Variants in ZNF420 observed in about 807,000 individuals in gnomAD.
ZNF420 encodes the protein ATM and p53-associated KZNF protein.
ZNF420 carries 31 observed loss-of-function variants against 44.7 expected under a neutral mutation model. That is an observed-to-expected ratio of 0.69 (90% CI 0.52 to 0.94). The LOEUF is 0.94. Ranked by LOEUF, ZNF420 falls within the 40% of genes least tolerant of loss-of-function variation. The pLI is 0.00. For missense variants in ZNF420, 681 were observed against 827.9 expected (o/e 0.82, Z 2.18); for synonymous variants, 245 against 267.4 (o/e 0.92, Z 0.82).
intron 1 of ZNF420, among the ~76,000 whole-genome samples, chr19:37,056,303 A>G (rs1424733339): frequency 2.6e-5 from 4 of 152,056 alleles, no homozygotes; most frequent in African/African-American, 9.7e-5. Flanking sequence ...CAGGTGGGCT[A>G]TGCTTTTATG....
In ZNF420 at chr19:37,022,530, A is replaced by G. The variant is rs528555445; in HGVS notation, c.-125+14448A>G. Among the ~76,000 whole-genome samples, 24 of 152,304 alleles carry G rather than the reference A, an allele frequency of 1.6e-4. No individual in the cohort carries two copies. The South Asian group carries it at 5.0e-3, about 32-fold the overall frequency. ...AATTCAAAAAGGGATGAGTAATTACATGAAATGCTTCTGAATTCTGTCATT... is the reference window on the plus strand; with the variant it reads ...AATTCAAAAAGGGATGAGTAATTACGTGAAATGCTTCTGAATTCTGTCATT... On this transcript the variant is annotated intron_variant, in intron 1 of 4. Coordinates refer to the ZNF420 transcript ENST00000587029.
At chr19:37,033,003 C>G (rs1026123373) in intron 1 of ZNF420, among the ~76,000 whole-genome samples, 1 of 152,118 alleles carries the variant, frequency 6.6e-6, no homozygotes, top group African/African-American at 2.4e-5. Flanking sequence ...ATTTTATGAA[C>G]TAGCCAAAAT....
intron 1 of ZNF420, among the ~76,000 whole-genome samples, chr19:37,045,371 G>A (rs1483806328): frequency 3.9e-5 from 6 of 152,284 alleles, no homozygotes; most frequent in East Asian, 1.9e-4. Context: ...ACAGGTAAAC[G>A]TTTTGTTATT....
intron 1 of ZNF420, among the ~76,000 whole-genome samples, chr19:37,015,367 A>C (rs1189550470): frequency 6.6e-6 from 1 of 151,812 alleles, no homozygotes; most frequent in Admixed American, 6.6e-5. Flanking sequence ...CCGGGGAGCC[A>C]CTCTTCTAGA....
intron 1 of ZNF420, among the ~76,000 whole-genome samples, chr19:37,017,464 T>C (rs527959355): frequency 6.6e-6 from 1 of 152,306 alleles, no homozygotes; most frequent in South Asian, 2.1e-4. Flanking sequence ...ACCAGGGTTA[T>C]ACACCATGAC....
chr19:37,053,125 G>C (rs910200055), intron 1 of ZNF420, among the ~76,000 whole-genome samples: 5 of 152,092 alleles, frequency 3.3e-5, no homozygotes, highest in Admixed American at 1.3e-4. Context: ...TCTTCCATCA[G>C]TGATACCCTT....
chr19:37,130,260 A>G lies in ZNF420; in HGVS notation c.*1202A>G, dbSNP rs964390057. ...GATGACTTTGTGGAACAGCCATACT[A>G]GCTCTGGTCTGCTTGCCTCCTGTTT... On this transcript the variant is annotated 3_prime_UTR_variant, in exon 5 of 5. Coordinates refer to ENST00000337995, the MANE Select transcript of ZNF420 (RefSeq NM_144689.5). 9 of 1,476,882 alleles carry G rather than the reference A, an allele frequency of 6.1e-6. No homozygotes were observed. The Admixed American group carries it at 1.8e-4, about 30-fold the overall frequency. The allele number at this position is 1,476,882 out of a possible 1,614,324, so 91.5% of individuals were successfully genotyped here. A position where few individuals can be genotyped will look rare whatever the true frequency, so the allele number is the denominator to read the frequency against.
At position 37,127,705 on chromosome 19, in the gene ZNF420, T is replaced by C; in HGVS notation, c.714T>C (p.Leu238=). The part of the protein sequence containing the change: ...CGKAFIRSSQ[L]TRHQKVHTGE... ...AAGCCTTTATTCGTAGCTCACAACT[T>C]ACCCGACATCAAAAAGTTCATACTG... is the stretch of plus-strand genomic sequence containing the variant. The change falls in exon 5 of 5, where the codon CTT becomes CTC. Residue 238 remains leucine (L), a synonymous_variant. Transcript: ENST00000337995. 1 of 1,613,428 alleles carries C rather than the reference T, an allele frequency of 6.2e-7. No homozygotes were observed. The highest frequency in any genetic ancestry group is 8.5e-7 in the Non-Finnish European group (1 of 1,179,786).
intron 1 of ZNF420, among the ~76,000 whole-genome samples, chr19:37,008,280 T>C (rs971626741): frequency 2.6e-5 from 4 of 151,788 alleles, no homozygotes; most frequent in African/African-American, 9.7e-5. Flanking sequence ...TCTCACTTTC[T>C]TCTCTCTCTC....
At position 37,128,326 on chromosome 19, in the gene ZNF420, A is replaced by G. The variant is rs1328969494; in HGVS notation, c.1335A>G (p.Lys445=). 6.2e-7 allele frequency: 1 copy of G among 1,614,002 alleles called. No individual in the cohort carries two copies. Among genetic ancestry groups the G allele is most frequent in the Admixed American group, 1.7e-5 (1 of 60,020 alleles). The part of the protein sequence containing the change: ...TRHQRIHTGE[K]PYECKECGKT... ...ACCAGAGGATTCATACTGGTGAGAAACCCTATGAATGTAAAGAATGTGGAA... is the reference window on the plus strand; with the variant it reads ...ACCAGAGGATTCATACTGGTGAGAAGCCCTATGAATGTAAAGAATGTGGAA... Residue 445 remains lysine, a synonymous_variant, in exon 5 of 5, where the codon AAA becomes AAG. Transcript: ENST00000337995.
intron 2 of ZNF420, among the ~76,000 whole-genome samples, chr19:37,083,403 T>A (rs931128437): frequency 6.6e-6 from 1 of 152,228 alleles, no homozygotes; most frequent in African/African-American, 2.4e-5. Flanking sequence ...CTTGGTTACC[T>A]GAAGAATAGT....
At chr19:37,107,303 C>A (rs1207036344) in intron 4 of ZNF420, 1 of 152,350 alleles carries the variant, frequency 6.6e-6, no homozygotes, top group Non-Finnish European at 1.5e-5. Context: ...GTCCCTGTGG[C>A]CTTCCACAGT....
chr19:37,035,106 C>A (rs1355189778), intron 1 of ZNF420, among the ~76,000 whole-genome samples: 1 of 152,140 alleles, frequency 6.6e-6, no homozygotes, highest in Non-Finnish European at 1.5e-5. Flanking sequence ...CAAGCTTCAC[C>A]CATCACAAGT....
chr19:37,068,003 G>GTA (rs57638776), intron 1 of ZNF420, among the ~76,000 whole-genome samples: 2,417 of 150,294 alleles, frequency 0.016, 68 homozygotes, highest in African/African-American at 0.055. Context: ...GTGTGTGTGT[G>GTA]TATATATATA....
At chr19:37,087,945 G>A (rs111334007) in intron 2 of ZNF420, among the ~76,000 whole-genome samples, 1,998 of 152,204 alleles carry the variant, frequency 0.013, 45 homozygotes, top group African/African-American at 0.045. Flanking sequence ...GCACCCGGCC[G>A]ATTTCTAGCT....
chr19:37,039,606 A>G (rs1325936991), intron 1 of ZNF420, among the ~76,000 whole-genome samples: 1 of 152,174 alleles, frequency 6.6e-6, no homozygotes, highest in East Asian at 1.9e-4. Context: ...AAGTAGATTT[A>G]GTATAATTCT....
chr19:37,047,541 A>G (rs753609972), intron 1 of ZNF420, among the ~76,000 whole-genome samples: 1 of 152,228 alleles, frequency 6.6e-6, no homozygotes, highest in Admixed American at 6.5e-5. Context: ...GTATTTTGTT[A>G]TATAGTAGCA....
intron 4 of ZNF420, among the ~76,000 whole-genome samples, chr19:37,102,755 G>A (rs1052157696): frequency 3.9e-5 from 6 of 152,216 alleles, no homozygotes; most frequent in South Asian, 4.2e-4. Context: ...ATATGAGTGG[G>A]TTACCTCCTA....
intron 1 of ZNF420, among the ~76,000 whole-genome samples, chr19:37,029,648 A>G (rs1967219473): frequency 6.6e-6 from 1 of 151,732 alleles, no homozygotes; most frequent in South Asian, 2.1e-4. Context: ...CCCAGATTCA[A>G]GTAGCTGGGA....
Sources: allele counts gnomAD v4.1 joint callset (sites outside exome capture counted in the v4.1 genomes callset), GRCh38; gene constraint gnomAD v4.1.1; transcripts MANE v1.5; gene names NCBI Gene and HGNC (gene_info 2026-07-23, HGNC 2026-07-21).